Variants in KTN1 observed in about 807,000 individuals in gnomAD.
KTN1 encodes kinectin.
In KTN1, 130 loss-of-function variants were observed where a neutral mutation model predicts 222.5. That is an observed-to-expected ratio of 0.58 (90% CI 0.51 to 0.68). The LOEUF (loss-of-function observed/expected upper bound fraction) is 0.68. Ranked by LOEUF, KTN1 falls within the 30% of genes least tolerant of loss-of-function variation. The pLI, the probability that KTN1 is intolerant of heterozygous loss-of-function variation, is 0.00. For synonymous variants in KTN1, 512 were observed against 496.3 expected (o/e 1.03, Z -0.42); for missense variants, 1,508 against 1,500.4 (o/e 1.01, Z -0.08).
intron 21 of KTN1, among the ~76,000 whole-genome samples, chr14:55,649,203 A>C (rs575454667): frequency 6.6e-6 from 1 of 152,366 alleles, no homozygotes; most frequent in African/African-American, 2.4e-5. Flanking sequence ...TTGGAATTAT[A>C]GGCATGAGGC....
intron 17 of KTN1, 69 bp downstream of exon 17, chr14:55,641,277 C>A: frequency 1.2e-6 from 1 of 867,568 alleles, no homozygotes; most frequent in Non-Finnish European, 1.8e-6. Flanking sequence ...TGAGTGATTC[C>A]AGAAATACTA....
At chr14:55,663,198 T>C (rs1320036465) in intron 32 of KTN1, 1 of 203,652 alleles carries the variant, frequency 4.9e-6, no homozygotes, top group African/African-American at 2.3e-5. Context: ...GGCTTTTTAT[T>C]TTTCGTTGTT....
intron 1 of KTN1, among the ~76,000 whole-genome samples, chr14:55,585,042 G>GGATT (rs975408763): frequency 6.6e-6 from 1 of 151,200 alleles, no homozygotes; most frequent in Non-Finnish European, 1.5e-5. Context: ...TGAGGTGGGA[G>GGATT]GATTGCTTGA....
chr14:55,629,825 T>A (rs1274093201), intron 6 of KTN1, 132 bp from the exon 7 acceptor site: 1 of 684,778 alleles, frequency 1.5e-6, no homozygotes, highest in Non-Finnish European at 2.5e-6. Flanking sequence ...TTGCTTTTTT[T>A]AAGCAAGTAC....
chr14:55,627,854 T>C, intron 5 of KTN1, 58 bp from the exon 6 acceptor site: 1 of 1,005,796 alleles, frequency 9.9e-7, no homozygotes, highest in Non-Finnish European at 1.6e-6. Flanking sequence ...TTCATTTTCA[T>C]AATTTTTATT....
Position 55,672,648 on chromosome 14 carries a change from T to C in KTN1, c.3550T>C (p.Ser1184Pro). 1.2e-6 allele frequency: 2 copies of C among 1,606,534 alleles called. No individual in the cohort carries two copies. The highest frequency in any genetic ancestry group is 1.7e-6 in the Non-Finnish European group (2 of 1,173,720). ...ATTTCAGATGCAGTCATCATTTACA[T>C]CTTCAGAACAAGAGCTAGAGCGATT... ...TIKQMQSSFT[S>P]SEQELERLRS... Residue 1184 changes from serine to proline, a missense_variant, in exon 38 of 44, where the codon TCT becomes CCT. Ser to Pro is a moderately conservative substitution (Grantham distance 74). Transcript: ENST00000395314.
At chr14:55,632,978 A>G (rs909977938) in intron 7 of KTN1, among the ~76,000 whole-genome samples, 12 of 152,172 alleles carry the variant, frequency 7.9e-5, no homozygotes, top group Admixed American at 5.2e-4. Context: ...ATCTCTAAGC[A>G]TGTTTATCTT....
chr14:55,641,330 A>T lies in KTN1; in HGVS notation c.2103+122A>T, dbSNP rs558594682. 5 of 623,362 alleles carry T rather than the reference A, an allele frequency of 8.0e-6. No individual in the cohort carries two copies. In the African/African-American group the frequency reaches 9.3e-5, roughly 12 times the overall value. The allele number at this position is 623,362 out of a possible 1,614,324, so 38.6% of individuals were successfully genotyped here. A position where few individuals can be genotyped will look rare whatever the true frequency, so the allele number is the denominator to read the frequency against. ...CTCTGAAACAGTGTTTCTGTAGTTT[A>T]TTAGGGGACTTATGCAAACCATGAA... On this transcript the variant is annotated intron_variant, in intron 17 of 43. Transcript: ENST00000395314.
chr14:55,676,331 A>G (rs933121458), intron 41 of KTN1, among the ~76,000 whole-genome samples: 2 of 152,052 alleles, frequency 1.3e-5, no homozygotes, highest in Non-Finnish European at 2.9e-5. Flanking sequence ...TTATTTCTTC[A>G]TACAAATATA....
intron 41 of KTN1, among the ~76,000 whole-genome samples, chr14:55,677,941 G>A (rs893194415): frequency 5.3e-5 from 8 of 152,214 alleles, no homozygotes; most frequent in East Asian, 3.9e-4. Flanking sequence ...CAGGTGATCC[G>A]CCCGCCTTGG....
Position 55,656,079 on chromosome 14 carries a change from G to A in KTN1, c.2839G>A (p.Ala947Thr), listed in dbSNP as rs1392943538. The change falls in exon 29 of 44, where the codon GCC (alanine) becomes ACC (threonine). Residue 947 changes from alanine (A) to threonine (T), a missense_variant. Transcript: ENST00000395314. Reference sequence around the variant, plus strand: ...GGAAAATGAATTGAAGAGGTTAGAAGCCATGCTAAAAGAGAGGGAGAGTGA... The same window carrying A: ...GGAAAATGAATTGAAGAGGTTAGAAACCATGCTAAAAGAGAGGGAGAGTGA... The part of the protein sequence containing the change: ...EKENELKRLE[A>T]MLKERESDLS... The A allele has an allele frequency of 1.2e-6, 2 of 1,611,158 alleles. No homozygotes were observed. The highest frequency in any genetic ancestry group is 1.1e-5 in the South Asian group (1 of 90,908).
rs1426588830 is a variant in KTN1 at position 55,633,261 on chromosome 14, G to A, written c.1248G>A (p.Glu416=). ...MKFQQVREQM[E]AEIAHLKQEN... ...TTCAGCAAGTTCGTGAGCAGATGGA[G>A]GCAGAGATAGCTCACTTGAAGCAGG... is the stretch of plus-strand genomic sequence containing the variant. Residue 416 remains glutamate, a synonymous_variant, in exon 8 of 44, where the codon GAG becomes GAA. Coordinates refer to ENST00000395314, the MANE Select transcript of KTN1 (RefSeq NM_001079521.2). 6.3e-7 allele frequency: 1 copy of A among 1,591,066 alleles called. No homozygotes were observed. The highest frequency in any genetic ancestry group is 2.3e-5 in the East Asian group (1 of 43,254).
chr14:55,613,824 A>T lies in KTN1; in HGVS notation c.523+1253A>T, dbSNP rs139600816. On this transcript the variant is annotated intron_variant, in intron 2 of 43. Transcript: ENST00000395314. Reference sequence around the variant, plus strand: ...TCAGCTAGGATCAAGGCATAGTAAGAACTACATGTTTTAGTTGGGGAAAAG... The same window carrying T: ...TCAGCTAGGATCAAGGCATAGTAAGTACTACATGTTTTAGTTGGGGAAAAG... Among the ~76,000 whole-genome samples the T allele has an allele frequency of 2.2e-3, 341 of 152,246 alleles. 1 individual carries two copies. Among genetic ancestry groups the T allele is most frequent in the South Asian group, 5.0e-3 (24 of 4,814 alleles).
chr14:55,606,344 T>G (rs1566692253), intron 1 of KTN1, among the ~76,000 whole-genome samples: 1 of 152,142 alleles, frequency 6.6e-6, no homozygotes, highest in Admixed American at 6.5e-5. Flanking sequence ...ACTGTTTTTG[T>G]TTTTTTCAAA....
intron 1 of KTN1, among the ~76,000 whole-genome samples, chr14:55,605,649 C>T (rs557627798): frequency 6.6e-6 from 1 of 152,214 alleles, no homozygotes; most frequent in African/African-American, 2.4e-5. Flanking sequence ...GAGTGAAGGC[C>T]AAATTGGGAC....
intron 1 of KTN1, among the ~76,000 whole-genome samples, chr14:55,599,982 T>C (rs552431762): frequency 5.8e-4 from 88 of 152,116 alleles, no homozygotes; most frequent in African/African-American, 2.1e-3. Context: ...TTGCCTTTAA[T>C]TGGGTGTTCT....
chr14:55,682,765 T>C (rs1379207426), intron 43 of KTN1: 1 of 152,208 alleles, frequency 6.6e-6, no homozygotes, highest in Non-Finnish European at 1.5e-5. Flanking sequence ...ACAGGGCTTG[T>C]GTTCTTAATC....
intron 1 of KTN1, among the ~76,000 whole-genome samples, chr14:55,603,130 C>T (rs749923872): frequency 2.6e-5 from 4 of 152,120 alleles, no homozygotes; most frequent in Non-Finnish European, 5.9e-5. Flanking sequence ...TTGCCTCTCA[C>T]TCCTGCATCA....
intron 33 of KTN1, among the ~76,000 whole-genome samples, chr14:55,664,717 T>C (rs917200947): frequency 1.3e-5 from 2 of 152,126 alleles, no homozygotes; most frequent in South Asian, 4.1e-4. Context: ...AGTTGTACCA[T>C]TGGGTGTGAA....
Sources: allele counts gnomAD v4.1 joint callset (sites outside exome capture counted in the v4.1 genomes callset), GRCh38; gene constraint gnomAD v4.1.1; transcripts MANE v1.5; gene names NCBI Gene and HGNC (gene_info 2026-07-23, HGNC 2026-07-21).